RD3: variants seen among roughly 807,000 people sequenced by gnomAD.
The protein encoded by RD3 is protein RD3.
RD3 carries 11 observed loss-of-function variants against 16.9 expected under a neutral mutation model. The ratio of observed to expected loss-of-function variants is 0.65; its 90% CI spans 0.41 to 1.08. RD3 has a LOEUF of 1.08. Among genes scored for constraint, RD3 ranks in the 50% least tolerant of loss-of-function variants. The probability of loss-of-function intolerance (pLI) is 0.00; values close to 1 mark genes in which losing one functional copy is unlikely to be tolerated. For synonymous variants in RD3, 116 were observed against 114.8 expected, an observed-to-expected ratio of 1.01 and a Z score of -0.07; for missense variants, 274 against 267.4, an observed-to-expected ratio of 1.02 and a Z score of -0.17.
chr1:211,479,838 A>G (rs1705227370), intron 2 of RD3, among the ~76,000 whole-genome samples: 1 of 152,168 alleles, frequency 6.6e-6, no homozygotes, highest in Admixed American at 6.5e-5. Flanking sequence ...GACCCTGCAC[A>G]TCAGCTGGGA....
chr1:211,482,156 AGGTTGG>A (rs1463148111), intron 1 of RD3, among the ~76,000 whole-genome samples: 18 of 150,780 alleles, frequency 1.2e-4, no homozygotes, highest in Admixed American at 1.2e-3. Flanking sequence ...CGGGAGGTGG[AGGTTGG>A]GGTGAGCCAA....
rs886045888 is a variant in RD3 at position 211,476,634 on chromosome 1, T to G, written c.*2402A>C. ...CAGAGGAACAACTTCTGGACCCTCA[T>G]GAATTTGAGAGCCACCAGCTGGGGA... On this transcript the variant is annotated 3_prime_UTR_variant, in exon 3 of 3. Coordinates refer to ENST00000680073, the MANE Select transcript of RD3 (RefSeq NM_001164688.2). The G allele has an allele frequency of 6.6e-6, 1 of 152,172 alleles. No individual in the cohort carries two copies. Among genetic ancestry groups the G allele is most frequent in the African/African-American group, 2.4e-5 (1 of 41,432 alleles). 9.4% of individuals were successfully genotyped at this position (152,172 alleles called of 1,614,324 possible).
chr1:211,482,040 T>C (rs1237944253), intron 1 of RD3, among the ~76,000 whole-genome samples: 1 of 152,116 alleles, frequency 6.6e-6, no homozygotes, highest in Non-Finnish European at 1.5e-5. Flanking sequence ...CTGACCAACA[T>C]GGAGAAACCC....
At chr1:211,480,349 G>A (rs1445147041) in intron 2 of RD3, among the ~76,000 whole-genome samples, 3 of 152,130 alleles carry the variant, frequency 2.0e-5, no homozygotes, top group Non-Finnish European at 4.4e-5. Context: ...CAAAGAAAAA[G>A]GTGTATAATA....
Position 211,479,258 on chromosome 1 carries a change from C to T in RD3, c.366G>A (p.Leu122=). 1 of 1,607,036 alleles carries T rather than the reference C, an allele frequency of 6.2e-7. No individual in the cohort carries two copies. The highest frequency in any genetic ancestry group is 8.5e-7 in the Non-Finnish European group (1 of 1,176,810). The change falls in exon 3 of 3, where the codon CTG becomes CTA. Residue 122 remains leucine, a synonymous_variant. Coordinates refer to ENST00000680073, the MANE Select transcript of RD3 (RefSeq NM_001164688.2). Reference sequence around the variant, plus strand: ...GCTTCATCCTCTCCAGGACCTCCTGCAGCACCGAGCGGAAGAGCTGGGACA... The same window carrying T: ...GCTTCATCCTCTCCAGGACCTCCTGTAGCACCGAGCGGAAGAGCTGGGACA... ...QEVSQLFRSV[L]QEVLERMKQE...
rs1207207731 is a variant in RD3 at position 211,486,106 on chromosome 1, G to A, written c.-11-4680C>T. The stretch of plus-strand genomic sequence containing the variant: ...GTAGCGGTTGCAGTGAGTTGAGATC[G>A]CGCCACTGCACTCCAGCCTGGGTGA... On this transcript the variant is annotated intron_variant, in intron 1 of 2. Transcript: ENST00000680073. 5.3e-5 allele frequency among the ~76,000 whole-genome samples: 8 copies of A among 150,736 alleles called. No homozygotes were observed. In the South Asian group the frequency reaches 1.3e-3, roughly 24 times the overall value.
At chr1:211,480,731 T>C (rs1705241304) in intron 2 of RD3, among the ~76,000 whole-genome samples, 1 of 151,836 alleles carries the variant, frequency 6.6e-6, no homozygotes, top group Non-Finnish European at 1.5e-5. Flanking sequence ...CTAAGATAAT[T>C]AAGAATCTGA....
chr1:211,487,384 C>T (rs12057566), intron 1 of RD3, among the ~76,000 whole-genome samples: 7,533 of 152,260 alleles, frequency 0.049, 255 homozygotes, highest in African/African-American at 0.093. Context: ...CCCATGTACG[C>T]GTTTGTGATA....
intron 1 of RD3, among the ~76,000 whole-genome samples, chr1:211,489,899 C>A (rs1450248558): frequency 1.3e-5 from 2 of 152,170 alleles, no homozygotes; most frequent in East Asian, 3.9e-4. Flanking sequence ...CTGTCTCTGC[C>A]TTTTGGTGTC....
chr1:211,490,106 C>T (rs1450695957), intron 1 of RD3, among the ~76,000 whole-genome samples: 1 of 152,220 alleles, frequency 6.6e-6, no homozygotes, highest in African/African-American at 2.4e-5. Flanking sequence ...GCTGGAAAAA[C>T]TCTCGCGTTG....
chr1:211,478,914 G>T lies in RD3; in HGVS notation c.*122C>A. The T allele has an allele frequency of 1.1e-6, 1 of 882,934 alleles. No individual in the cohort carries two copies. The highest frequency in any genetic ancestry group is 1.7e-6 in the Non-Finnish European group (1 of 596,082). The allele number at this position is 882,934 out of a possible 1,614,324, so 54.7% of individuals were successfully genotyped here. ...ATTTTATAGCAGCGTCTTGGGATGG[G>T]GCCGCCTCTTGGGTCTCCTCGTCAG... On this transcript the variant is annotated 3_prime_UTR_variant, in exon 3 of 3. Coordinates refer to ENST00000680073, the MANE Select transcript of RD3 (RefSeq NM_001164688.2).
Position 211,492,048 on chromosome 1 carries a change from G to GGT in RD3, c.-294_-293dup, listed in dbSNP as rs34485370. ...TGGACTATTGTTTGTGGGGTGTGTA[G>GGT]GTGTGTGTGTGTGTGTGTGTGTGTG... On this transcript the variant is annotated 5_prime_UTR_variant, in exon 1 of 3. An upstream open reading frame in the 5' UTR gains an earlier in-frame stop. Transcript: ENST00000680073. 0.02 allele frequency: 2,811 copies of GGT among 137,912 alleles called. 37 individuals carry two copies. The highest frequency in any genetic ancestry group is 0.029 in the South Asian group (120 of 4,116). The allele number at this position is 137,912 out of a possible 1,614,324, so 8.5% of individuals were successfully genotyped here.
At chr1:211,488,946 C>T (rs1034040774) in intron 1 of RD3, among the ~76,000 whole-genome samples, 11 of 152,282 alleles carry the variant, frequency 7.2e-5, no homozygotes, top group Middle Eastern at 6.8e-3. Flanking sequence ...ACTTGATCAC[C>T]AGCTCAGGTG....
intron 1 of RD3, among the ~76,000 whole-genome samples, chr1:211,483,442 G>C (rs1313969679): frequency 6.7e-6 from 1 of 149,382 alleles, no homozygotes; most frequent in Non-Finnish European, 1.5e-5. Flanking sequence ...GTGACAGAGC[G>C]AGACTCCAAC....
chr1:211,488,579 A>T (rs1705422905), intron 1 of RD3, among the ~76,000 whole-genome samples: 1 of 151,750 alleles, frequency 6.6e-6, no homozygotes, highest in Non-Finnish European at 1.5e-5. Context: ...TGAAGGCTCT[A>T]TAGAGAGGAG....
Position 211,478,993 on chromosome 1 carries a change from C to G in RD3, c.*43G>C. The G allele has an allele frequency of 6.5e-7, 1 of 1,537,304 alleles. No individual in the cohort carries two copies. The highest frequency in any genetic ancestry group is 8.7e-7 in the Non-Finnish European group (1 of 1,144,686). Reference sequence around the variant, plus strand: ...CGCTCCGGTCACCGGCCTATCATTCCCCCTGCAGAAGGCTCCGCTTCTGGG... The same window carrying G: ...CGCTCCGGTCACCGGCCTATCATTCGCCCTGCAGAAGGCTCCGCTTCTGGG... On this transcript the variant is annotated 3_prime_UTR_variant, in exon 3 of 3. Coordinates refer to ENST00000680073, the MANE Select transcript of RD3 (RefSeq NM_001164688.2).
chr1:211,488,527 T>C (rs1705421378), intron 1 of RD3, among the ~76,000 whole-genome samples: 1 of 120,882 alleles, frequency 8.3e-6, no homozygotes, highest in Non-Finnish European at 1.7e-5. Flanking sequence ...AGAACAAGAC[T>C]CTGTCAAAAA....
intron 1 of RD3, among the ~76,000 whole-genome samples, chr1:211,489,184 A>C (rs1440510299): frequency 1.3e-5 from 2 of 152,238 alleles, no homozygotes; most frequent in Non-Finnish European, 2.9e-5. Flanking sequence ...ATAAACTAAC[A>C]ATAAGCTGAT....
At position 211,477,783 on chromosome 1, in the gene RD3, T is replaced by C; in HGVS notation, c.*1253A>G. 3.5e-6 allele frequency: 1 copy of C among 288,828 alleles called. No homozygotes were observed. Among genetic ancestry groups the C allele is most frequent in the East Asian group, 5.9e-5 (1 of 16,880 alleles). 17.9% of individuals were successfully genotyped at this position (288,828 alleles called of 1,614,324 possible). ...CCGGGTATTTTATTTAGGCTACTATTAAGGTCCACTTGCATTTTCTGCATG... is the reference window on the plus strand; with the variant it reads ...CCGGGTATTTTATTTAGGCTACTATCAAGGTCCACTTGCATTTTCTGCATG... On this transcript the variant is annotated 3_prime_UTR_variant, in exon 3 of 3. Coordinates refer to ENST00000680073, the MANE Select transcript of RD3 (RefSeq NM_001164688.2).
Sources: gnomAD v4.1 joint callset for allele counts (sites outside exome capture counted in the v4.1 genomes callset) on GRCh38, gnomAD v4.1.1 for gene constraint, MANE v1.5 for transcripts, NCBI Gene and HGNC (gene_info 2026-07-23, HGNC 2026-07-21) for gene names.